LIMCH1: variants seen among roughly 807,000 people sequenced by gnomAD.
The protein encoded by LIMCH1 is LIM and calponin homology domains 1.
A neutral mutation model predicts 176.5 loss-of-function variants in LIMCH1; 113 were observed. The observed-to-expected ratio is 0.64, with a 90% CI of 0.55 to 0.75. The LOEUF (loss-of-function observed/expected upper bound fraction) is 0.75, where lower values mean the gene tolerates loss of function less well. Ranked by LOEUF, LIMCH1 falls within the 30% of genes least tolerant of loss-of-function variation. The pLI is 0.00. For missense variants in LIMCH1, 1,674 were observed against 1,814.9 expected (o/e 0.92, Z 1.41); for synonymous variants, 619 against 645.9 (o/e 0.96, Z 0.63).
intron 31 of LIMCH1, chr4:41,693,100 G>T (rs909648394): frequency 6.6e-6 from 1 of 152,260 alleles, no homozygotes. Flanking sequence ...AAAATGGCCA[G>T]TGGCTTGCCT....
chr4:41,432,634 C>A (rs911445239), intron 1 of LIMCH1, among the ~76,000 whole-genome samples: 1 of 152,158 alleles, frequency 6.6e-6, no homozygotes, highest in Non-Finnish European at 1.5e-5. Context: ...GCTTTGCCAT[C>A]AATTTTTCAT....
chr4:41,363,173 G>C (rs1278503881), intron 1 of LIMCH1, among the ~76,000 whole-genome samples: 1 of 152,122 alleles, frequency 6.6e-6, no homozygotes, highest in Non-Finnish European at 1.5e-5. Flanking sequence ...TGCAAACCAC[G>C]GGAACCCAGA....
intron 1 of LIMCH1, among the ~76,000 whole-genome samples, chr4:41,364,429 A>G (rs1433573835): frequency 6.6e-6 from 1 of 152,126 alleles, no homozygotes; most frequent in African/African-American, 2.4e-5. Flanking sequence ...GAAATGATTC[A>G]GAACACCAGA....
intron 2 of LIMCH1, among the ~76,000 whole-genome samples, chr4:41,512,490 T>G (rs1364045104): frequency 6.6e-6 from 1 of 152,136 alleles, no homozygotes; most frequent in South Asian, 2.1e-4. Context: ...AGCCAAAAGG[T>G]GGAAACACCC....
intron 17 of LIMCH1, among the ~76,000 whole-genome samples, chr4:41,649,679 C>T (rs1430512301): frequency 6.6e-6 from 1 of 152,172 alleles, no homozygotes; most frequent in Non-Finnish European, 1.5e-5. Flanking sequence ...CTACTTTCTG[C>T]CTCAAATTTC....
chr4:41,480,922 C>T (rs886118573), intron 1 of LIMCH1, among the ~76,000 whole-genome samples: 3 of 152,268 alleles, frequency 2.0e-5, no homozygotes, highest in Non-Finnish European at 2.9e-5. Context: ...CGCATGTCTC[C>T]GGACTGACCC....
chr4:41,466,966 CT>C, intron 1 of LIMCH1, among the ~76,000 whole-genome samples: 1 of 152,076 alleles, frequency 6.6e-6, no homozygotes, highest in South Asian at 2.1e-4. Context: ...ACCATGCTAC[CT>C]TTTTTCTCTA....
intron 1 of LIMCH1, among the ~76,000 whole-genome samples, chr4:41,396,927 G>A (rs2057866268): frequency 6.6e-6 from 1 of 151,968 alleles, no homozygotes; most frequent in Non-Finnish European, 1.5e-5. Context: ...TAAAAAGTCA[G>A]CAAGCTCTGA....
At chr4:41,425,337 A>C (rs962498352) in intron 1 of LIMCH1, among the ~76,000 whole-genome samples, 1 of 151,910 alleles carries the variant, frequency 6.6e-6, no homozygotes, top group Non-Finnish European at 1.5e-5. Context: ...CTTGCTTTTC[A>C]GTATTCTCAG....
intron 14 of LIMCH1, 109 bp from the exon 15 acceptor site, chr4:41,644,391 G>T (rs1343958909): frequency 2.3e-6 from 3 of 1,332,316 alleles, no homozygotes; most frequent in Non-Finnish European, 3.0e-6. Flanking sequence ...CGGGAAGGGG[G>T]CAGTTTTCCA....
chr4:41,370,979 C>T (rs952240227), intron 1 of LIMCH1, among the ~76,000 whole-genome samples: 4 of 152,170 alleles, frequency 2.6e-5, no homozygotes, highest in African/African-American at 9.7e-5. Flanking sequence ...GGATTTGAAC[C>T]CAGGCAAACT....
At chr4:41,625,209 T>C (rs1398473061) in intron 7 of LIMCH1, among the ~76,000 whole-genome samples, 1 of 152,198 alleles carries the variant, frequency 6.6e-6, no homozygotes, top group Non-Finnish European at 1.5e-5. Context: ...TAATTCCTAT[T>C]TTGCAGGGTT....
At chr4:41,598,563 T>C (rs2089351126) in intron 1 of LIMCH1, among the ~76,000 whole-genome samples, 1 of 152,148 alleles carries the variant, frequency 6.6e-6, no homozygotes, top group Non-Finnish European at 1.5e-5. Context: ...GAAATCAATT[T>C]CAACCAGATT....
At chr4:41,647,016 A>G (rs1279855347) in intron 17 of LIMCH1, 123 bp downstream of exon 17, 1 of 933,944 alleles carries the variant, frequency 1.1e-6, no homozygotes, top group Non-Finnish European at 1.6e-6. Flanking sequence ...GTTGACATTT[A>G]CAGCTGTGAA....
chr4:41,427,643 T>A (rs2061236057), intron 1 of LIMCH1, among the ~76,000 whole-genome samples: 1 of 152,234 alleles, frequency 6.6e-6, no homozygotes, highest in Non-Finnish European at 1.5e-5. Context: ...TGTTTGTTTT[T>A]CTGGATTTTA....
At position 41,626,852 on chromosome 4, in the gene LIMCH1, C is replaced by T; in HGVS notation, c.870C>T (p.Asp290=). ...GACTGCCTGATCTTGAGAAGGATGA[C>T]TTTGCTGCAAGGAGAGCAAGGATGA... ...VCRLPDLEKD[D]FAARRARMNQ... Residue 290 remains aspartate, a synonymous_variant, in exon 8 of 32, where the codon GAC becomes GAT. Coordinates refer to ENST00000503057, the MANE Select transcript of LIMCH1 (RefSeq NM_001330672.2). 1.3e-5 allele frequency: 20 copies of T among 1,536,144 alleles called. No homozygotes were observed. The highest frequency in any genetic ancestry group is 1.7e-5 in the Non-Finnish European group (19 of 1,146,928).
At chr4:41,629,355 T>C (rs1312610688) in intron 8 of LIMCH1, 137 bp from the exon 9 acceptor site, 3 of 1,043,442 alleles carry the variant, frequency 2.9e-6, no homozygotes, top group East Asian at 2.6e-5. Context: ...ATTCCATTTT[T>C]GAGAAAGAGA....
chr4:41,491,888 A>AGAGGCACCCCTCT lies in LIMCH1; in HGVS notation c.97-2647_97-2646insAGGCACCCCTCTG, dbSNP rs1434081124. Among the ~76,000 whole-genome samples the AGAGGCACCCCTCT allele has an allele frequency of 8.6e-5, 11 of 127,390 alleles. No individual in the cohort carries two copies. In the East Asian group the frequency reaches 1.8e-3, roughly 21 times the overall value. The allele number at this position is 127,390 out of a possible 152,430, so 83.6% of individuals were successfully genotyped here. On this transcript the variant is annotated intron_variant, in intron 1 of 26. Coordinates refer to the LIMCH1 transcript ENST00000313860. ...CTCCTCACTTCCTCCCAGATGGGGC[A>AGAGGCACCCCTCT]GCCGGGCAGAGGCACTCCTCACGTC... is the stretch of plus-strand genomic sequence containing the variant.
chr4:41,598,182 A>G (rs1198394042), intron 1 of LIMCH1, among the ~76,000 whole-genome samples: 1 of 152,140 alleles, frequency 6.6e-6, no homozygotes, highest in Non-Finnish European at 1.5e-5. Flanking sequence ...ATGACCCACA[A>G]TTTGCAATCC....
Sources: allele counts gnomAD v4.1 joint callset (sites outside exome capture counted in the v4.1 genomes callset), GRCh38; gene constraint gnomAD v4.1.1; transcripts MANE v1.5; gene names NCBI Gene and HGNC (gene_info 2026-07-23, HGNC 2026-07-21).